GUCY1A1: variants seen among roughly 807,000 people sequenced by gnomAD.
GUCY1A1 encodes the protein guanylate cyclase 1 soluble subunit alpha 1.
Under a neutral mutation model 64.5 loss-of-function variants are expected in GUCY1A1, and 48 were observed. The ratio of observed to expected loss-of-function variants is 0.74; its 90% CI spans 0.59 to 0.95. The LOEUF is 0.95. GUCY1A1 is among the 40% of genes least tolerant of loss of function. The pLI, the probability that GUCY1A1 is intolerant of heterozygous loss-of-function variation, is 0.00. For synonymous variants in GUCY1A1, 308 were observed against 303.4 expected (o/e 1.02, Z -0.16); for missense variants, 804 against 825.3 (o/e 0.97, Z 0.32).
At chr4:155,703,254 T>C (rs1024768198) in intron 3 of GUCY1A1, among the ~76,000 whole-genome samples, 5 of 152,100 alleles carry the variant, frequency 3.3e-5, no homozygotes, top group Admixed American at 6.5e-5. Flanking sequence ...ACCATAAGTA[T>C]TTGATGAGGA....
In GUCY1A1 at chr4:155,704,057, C is replaced by T. The variant is rs933760507; in HGVS notation, c.317+64C>T. ...CAATGACTAATACTGCTACTAATGGCCAGCAGTTACTGAATGTGTCAGCCC... is the reference window on the plus strand; with the variant it reads ...CAATGACTAATACTGCTACTAATGGTCAGCAGTTACTGAATGTGTCAGCCC... On this transcript the variant is annotated intron_variant, in intron 4 of 9. Coordinates refer to ENST00000506455, the MANE Select transcript of GUCY1A1 (RefSeq NM_001130682.3). The T allele has an allele frequency of 6.6e-6, 6 of 903,200 alleles. No homozygotes were observed. In the African/African-American group the frequency reaches 1.0e-4, roughly 15 times the overall value. 55.9% of individuals were successfully genotyped at this position (903,200 alleles called of 1,614,324 possible).
At chr4:155,688,303 G>A (rs929928274) in intron 2 of GUCY1A1, among the ~76,000 whole-genome samples, 1 of 151,874 alleles carries the variant, frequency 6.6e-6, no homozygotes, top group African/African-American at 2.4e-5. Context: ...ATGTAAGTAT[G>A]TATGTATGTG....
At chr4:155,694,395 A>C (rs2126721144) in intron 2 of GUCY1A1, among the ~76,000 whole-genome samples, 1 of 152,242 alleles carries the variant, frequency 6.6e-6, no homozygotes, top group South Asian at 2.1e-4. Flanking sequence ...ATAATGAAAA[A>C]AACTCTCCAA....
chr4:155,693,881 G>A lies in GUCY1A1; in HGVS notation c.-112-2875G>A, dbSNP rs147367246. 7.6e-4 allele frequency among the ~76,000 whole-genome samples: 115 copies of A among 152,254 alleles called. 1 individual carries two copies. The South Asian group carries it at 0.018, about 23-fold the overall frequency. On this transcript the variant is annotated intron_variant, in intron 2 of 9. Transcript: ENST00000506455. ...TAAAATATTGGGCTTGGGTACCAGC[G>A]TTGAAATCCAATGTGAATGAGAGAG...
intron 2 of GUCY1A1, among the ~76,000 whole-genome samples, chr4:155,686,122 C>T (rs541674939): frequency 1.3e-5 from 2 of 152,276 alleles, no homozygotes; most frequent in East Asian, 3.9e-4. Context: ...TAGTGTCTCA[C>T]CTCTACCTGC....
At chr4:155,668,805 T>C (rs1343731899) in intron 2 of GUCY1A1, among the ~76,000 whole-genome samples, 1 of 152,220 alleles carries the variant, frequency 6.6e-6, no homozygotes, top group Non-Finnish European at 1.5e-5. Flanking sequence ...AAGTTATACA[T>C]ATAAGCTTTA....
intron 3 of GUCY1A1, 115 bp from the exon 4 acceptor site, chr4:155,703,817 T>A (rs1308631436): frequency 9.0e-6 from 6 of 668,260 alleles, no homozygotes; most frequent in Non-Finnish European, 1.6e-5. Context: ...ATTCAAGCAA[T>A]TGTATAATGT....
At chr4:155,684,525 C>G (rs748108758) in intron 2 of GUCY1A1, among the ~76,000 whole-genome samples, 15 of 152,286 alleles carry the variant, frequency 9.8e-5, no homozygotes, top group Admixed American at 3.9e-4. Context: ...AGGTACCTGA[C>G]TACCCATCAA....
In GUCY1A1 at chr4:155,716,927, C is replaced by T. The variant is rs527324319; in HGVS notation, c.1573-232C>T. Among the ~76,000 whole-genome samples, 5 of 152,186 alleles carry T rather than the reference C, an allele frequency of 3.3e-5. No individual in the cohort carries two copies. In the South Asian group the frequency reaches 1.0e-3, roughly 32 times the overall value. ...ATCTGGGAGTAGAAGTCAACTGTTA[C>T]TGTGTTCATAGGACTGTACTGCCTC... On this transcript the variant is annotated intron_variant, in intron 7 of 9. Coordinates refer to ENST00000506455, the MANE Select transcript of GUCY1A1 (RefSeq NM_001130682.3).
chr4:155,731,769 C>T lies in GUCY1A1; in HGVS notation c.*1538C>T, dbSNP rs944723109. 2 of 151,694 alleles carry T rather than the reference C, an allele frequency of 1.3e-5. No homozygotes were observed. The highest frequency in any genetic ancestry group is 3.9e-4 in the East Asian group (2 of 5,150). The allele number at this position is 151,694 out of a possible 1,614,324, so 9.4% of individuals were successfully genotyped here. ...AGTTTAAAACTTCTTTAACTGCCTC[C>T]CTTAGTACCCAGGCTAGCCCATGGT... On this transcript the variant is annotated 3_prime_UTR_variant, in exon 10 of 10. Transcript: ENST00000506455.
intron 7 of GUCY1A1, among the ~76,000 whole-genome samples, chr4:155,713,997 TTGTATC>T (rs1269112251): frequency 6.6e-6 from 1 of 152,162 alleles, no homozygotes; most frequent in Non-Finnish European, 1.5e-5. Context: ...ACATTATCCT[TTGTATC>T]TGTAAGAGTA....
At chr4:155,670,017 G>A (rs778806891) in intron 2 of GUCY1A1, among the ~76,000 whole-genome samples, 2 of 152,122 alleles carry the variant, frequency 1.3e-5, no homozygotes, top group Non-Finnish European at 2.9e-5. Flanking sequence ...GAAAGGTAAA[G>A]CAACATTTCA....
intron 2 of GUCY1A1, 67 bp from the exon 3 acceptor site, chr4:155,696,685 CCTGT>C (rs895995809): frequency 8.2e-5 from 42 of 514,672 alleles, no homozygotes; most frequent in Non-Finnish European, 1.3e-4. Flanking sequence ...CTTTTGCTCA[CCTGT>C]CTTTTTCTGT....
intron 7 of GUCY1A1, among the ~76,000 whole-genome samples, chr4:155,713,862 G>A (rs1017101360): frequency 6.6e-6 from 1 of 152,130 alleles, no homozygotes; most frequent in Non-Finnish European, 1.5e-5. Context: ...GGTGCTCAAA[G>A]AATGGAGGAT....
At chr4:155,687,748 A>C (rs1157862693) in intron 2 of GUCY1A1, among the ~76,000 whole-genome samples, 2 of 152,198 alleles carry the variant, frequency 1.3e-5, no homozygotes, top group African/African-American at 2.4e-5. Flanking sequence ...TGGTAGACGC[A>C]GGGAGCAAAC....
At chr4:155,703,266 T>G (rs1393312108) in intron 3 of GUCY1A1, among the ~76,000 whole-genome samples, 1 of 152,150 alleles carries the variant, frequency 6.6e-6, no homozygotes, top group Non-Finnish European at 1.5e-5. Context: ...TGATGAGGAT[T>G]ATTAGTTCAA....
chr4:155,705,777 A>G (rs1731684287), intron 4 of GUCY1A1, among the ~76,000 whole-genome samples: 1 of 152,170 alleles, frequency 6.6e-6, no homozygotes, highest in Non-Finnish European at 1.5e-5. Flanking sequence ...CTTGCTGACT[A>G]GCTGGTCCCA....
rs1733652760 is a variant in GUCY1A1, at chr4:155,719,234, G to T, written c.1716+1932G>T. On this transcript the variant is annotated intron_variant, in intron 8 of 9. Transcript: ENST00000506455. ...GATTAGTTTAAAAGACCTATAAAGGGAATCATTAATCATACCTTTTTATGC... is the reference window on the plus strand; with the variant it reads ...GATTAGTTTAAAAGACCTATAAAGGTAATCATTAATCATACCTTTTTATGC... Among the ~76,000 whole-genome samples, 3 of 152,106 alleles carry T rather than the reference G, an allele frequency of 2.0e-5. No individual in the cohort carries two copies. In the South Asian group the frequency reaches 6.2e-4, roughly 31 times the overall value.
chr4:155,711,065 A>G lies in GUCY1A1; in HGVS notation c.900A>G (p.Gln300=), dbSNP rs760795312. The change falls in exon 6 of 10, where the codon CAA becomes CAG. Residue 300 remains glutamine, a synonymous_variant. Coordinates refer to ENST00000506455, the MANE Select transcript of GUCY1A1 (RefSeq NM_001130682.3). ...TTGACAAAGATATGACAATTCTGCA[A>G]TTTGGCAATGGCATCAGAAGGCTGA... ...FMFDKDMTIL[Q]FGNGIRRLMN... is the part of the protein sequence containing the mutation. The G allele has an allele frequency of 4.3e-6, 7 of 1,614,148 alleles. No individual in the cohort carries two copies. In the Admixed American group the frequency reaches 1.0e-4, roughly 23 times the overall value.
Sources: gnomAD v4.1 joint callset for allele counts (sites outside exome capture counted in the v4.1 genomes callset) on GRCh38, gnomAD v4.1.1 for gene constraint, MANE v1.5 for transcripts, NCBI Gene and HGNC (gene_info 2026-07-23, HGNC 2026-07-21) for gene names.